The following ZC3H4 variants were observed in gnomAD, a reference collection of about 807,000 sequenced individuals.
The protein encoded by ZC3H4 is zinc finger CCCH-type containing 4, also known as zinc finger CCCH domain-containing protein 4.
Under a neutral mutation model 108.3 loss-of-function variants are expected in ZC3H4, and 13 were observed. The observed-to-expected ratio is 0.12, with a 90% CI of 0.08 to 0.19. The LOEUF (loss-of-function observed/expected upper bound fraction) is 0.19, where lower values mean the gene tolerates loss of function less well. ZC3H4 is among the 10% of genes least tolerant of loss of function. ZC3H4 has a pLI of 1.00. For synonymous variants in ZC3H4, 917 were observed against 749.6 expected, an observed-to-expected ratio of 1.22 and a Z score of -3.65; for missense variants, 1,734 against 1,838.8, an observed-to-expected ratio of 0.94 and a Z score of 1.04.
intron 2 of ZC3H4, among the ~76,000 whole-genome samples, chr19:47,102,214 C>T (rs1281297010): frequency 6.6e-6 from 1 of 152,124 alleles, no homozygotes; most frequent in Non-Finnish European, 1.5e-5. Context: ...AAGGAATTTG[C>T]CCATGGGGTC....
chr19:47,108,933 G>C (rs1055762130), intron 2 of ZC3H4, among the ~76,000 whole-genome samples: 1 of 152,050 alleles, frequency 6.6e-6, no homozygotes, highest in Non-Finnish European at 1.5e-5. Context: ...TTTATGACGA[G>C]AACATCCATA....
rs768974975 is a variant in ZC3H4 at position 47,079,537 on chromosome 19, G to A, written c.1440+1976C>T. Among the ~76,000 whole-genome samples the A allele has an allele frequency of 2.0e-5, 3 of 151,940 alleles. No individual in the cohort carries two copies. In the South Asian group the frequency reaches 6.2e-4, roughly 31 times the overall value. On this transcript the variant is annotated intron_variant, in intron 11 of 14. Transcript: ENST00000253048. ...GATCAGTGAGTCCTCCCAAGGAGCCGTGAGGCCTGACTGGCCACTGCTTCC... is the reference window on the plus strand; with the variant it reads ...GATCAGTGAGTCCTCCCAAGGAGCCATGAGGCCTGACTGGCCACTGCTTCC...
intron 2 of ZC3H4, among the ~76,000 whole-genome samples, chr19:47,106,704 A>G (rs1430453592): frequency 6.6e-6 from 1 of 152,260 alleles, no homozygotes; most frequent in Non-Finnish European, 1.5e-5. Context: ...GAAGCCTGGT[A>G]AAGGCAGTAA....
In ZC3H4 at chr19:47,072,090, T is replaced by G. The variant is rs765562520; in HGVS notation, c.1834A>C (p.Met612Leu). 4 of 1,559,998 alleles carry G rather than the reference T, an allele frequency of 2.6e-6. No individual in the cohort carries two copies. In the Admixed American group the frequency reaches 8.3e-5, roughly 32 times the overall value. Residue 612 changes from methionine (M) to leucine (L), a missense_variant, in exon 13 of 15, where the codon ATG (methionine) becomes CTG (leucine). Physicochemically the swap from Met to Leu is conservative, Grantham distance 15 (BLOSUM62 2). Transcript: ENST00000253048. The surrounding 1 kb of genome is among the most constrained non-coding windows in gnomAD (Gnocchi z 5.6). ...FPGPGGPPGP[M>L]GPGPNMGPPG... Reference sequence around the variant, plus strand: ...GGTCCCATGTTGGGCCCAGGGCCCATTGGCCCTGGGGGTCCACCGGGTCCA... The same window carrying G: ...GGTCCCATGTTGGGCCCAGGGCCCAGTGGCCCTGGGGGTCCACCGGGTCCA...
intron 11 of ZC3H4, among the ~76,000 whole-genome samples, chr19:47,080,612 C>G (rs2057503096): frequency 6.6e-6 from 1 of 152,036 alleles, no homozygotes. Context: ...CCTCCCACCT[C>G]AGCCTCTCGA....
Position 47,094,047 on chromosome 19 carries a change from A to G in ZC3H4, c.415T>C (p.Phe139Leu). 1.9e-6 allele frequency: 3 copies of G among 1,614,182 alleles called. No individual in the cohort carries two copies. The highest frequency in any genetic ancestry group is 2.5e-6 in the Non-Finnish European group (3 of 1,180,022). The change falls in exon 4 of 15, where the codon TTC (phenylalanine) becomes CTC (leucine). Residue 139 changes from phenylalanine to leucine, a missense_variant. By Grantham distance (22) the Phe-to-Leu change is conservative (BLOSUM62 0). Transcript: ENST00000253048. ...HASSSDDFSD[F>L]SDDSDFSPSE... The stretch of plus-strand genomic sequence containing the variant: ...GGGCTGAAATCCGAGTCATCTGAGA[A>G]GTCAGAGAAGTCATCGCTAGAAGAA...
At chr19:47,074,247 G>A (rs993601132) in intron 11 of ZC3H4, among the ~76,000 whole-genome samples, 1 of 152,166 alleles carries the variant, frequency 6.6e-6, no homozygotes, top group African/African-American at 2.4e-5. Context: ...ATTCACTACT[G>A]GGTCACCAGG....
At chr19:47,073,731 C>T (rs1181049130) in intron 11 of ZC3H4, among the ~76,000 whole-genome samples, 1 of 152,232 alleles carries the variant, frequency 6.6e-6, no homozygotes, top group Non-Finnish European at 1.5e-5. Context: ...ACCCCCAGCC[C>T]CCGGCAGCCA....
intron 2 of ZC3H4, among the ~76,000 whole-genome samples, chr19:47,101,838 A>G (rs964899971): frequency 4.6e-5 from 7 of 151,710 alleles, no homozygotes; most frequent in African/African-American, 1.5e-4. Flanking sequence ...ACTGCACTCC[A>G]GCCTGGGCAA....
intron 2 of ZC3H4, among the ~76,000 whole-genome samples, chr19:47,095,349 G>C (rs1222258936): frequency 6.6e-6 from 1 of 152,184 alleles, no homozygotes; most frequent in Non-Finnish European, 1.5e-5. Context: ...CAGGTCACAA[G>C]GTCTGACCCA....
chr19:47,111,001 G>C (rs1326611464), intron 2 of ZC3H4: 1 of 835,496 alleles, frequency 1.2e-6, no homozygotes, highest in Non-Finnish European at 1.4e-6. Flanking sequence ...TGGGGAGAAG[G>C]GGTCGTACGT....
Position 47,067,181 on chromosome 19 carries a change from G to A in ZC3H4, c.3087C>T (p.Ala1029=). The change falls in exon 15 of 15, where the codon GCC becomes GCT. Residue 1029 remains alanine (A), a synonymous_variant. Transcript: ENST00000253048. The surrounding 1 kb of genome is among the most constrained non-coding windows in gnomAD (Gnocchi z 6.4). ...GPPNARQRPG[A]STDSSTQGAN... ...CGCCCTGTGTGCTGGAATCCGTGGA[G>A]GCGCCCGGGCGCTGCCGGGCGTTGG... The A allele has an allele frequency of 4.3e-6, 7 of 1,610,878 alleles. No individual in the cohort carries two copies. Among genetic ancestry groups the A allele is most frequent in the Non-Finnish European group, 5.9e-6 (7 of 1,178,382 alleles).
At position 47,066,328 on chromosome 19, in the gene ZC3H4, T is replaced by C; in HGVS notation, c.*28A>G. The stretch of plus-strand genomic sequence containing the variant: ...GCCCTGAATGCCACCCTAGGAAGGG[T>C]GGCTGGAGCCGCAGCTCTGGCTGGA... On this transcript the variant is annotated 3_prime_UTR_variant, in exon 15 of 15. Transcript: ENST00000253048. 6.8e-7 allele frequency: 1 copy of C among 1,478,240 alleles called. No homozygotes were observed. The highest frequency in any genetic ancestry group is 1.4e-5 in the South Asian group (1 of 71,734). The allele number at this position is 1,478,240 out of a possible 1,614,324, so 91.6% of individuals were successfully genotyped here.
chr19:47,095,763 A>T (rs1407206343), intron 2 of ZC3H4, among the ~76,000 whole-genome samples: 1 of 152,204 alleles, frequency 6.6e-6, no homozygotes, highest in Non-Finnish European at 1.5e-5. Flanking sequence ...GAAAAAAACA[A>T]TCTTTTTGAA....
In ZC3H4 at chr19:47,090,073, T is replaced by C. The variant is rs1012793840; in HGVS notation, c.609A>G (p.Glu203=). The C allele has an allele frequency of 6.2e-6, 10 of 1,614,090 alleles. No homozygotes were observed. Among genetic ancestry groups the C allele is most frequent in the Middle Eastern group, 3.3e-4 (2 of 6,084 alleles). ...TGTCCTCCTCCTCGTCGCCCTCATA[T>C]TCCCCATACTGCTCATTCTCGTAGT... The part of the protein sequence containing the change: ...YEDYENEQYG[E]YEGDEEEDMG... Residue 203 remains glutamate, a synonymous_variant, in exon 5 of 15, where the codon GAA becomes GAG. Transcript: ENST00000253048.
At chr19:47,101,489 A>C (rs925459486) in intron 2 of ZC3H4, among the ~76,000 whole-genome samples, 3 of 152,080 alleles carry the variant, frequency 2.0e-5, no homozygotes, top group African/African-American at 7.2e-5. Context: ...TTGGCCTCCC[A>C]AAGTTCTGGG....
In ZC3H4 at chr19:47,071,791, G is replaced by A. The variant is rs967916914; in HGVS notation, c.2133C>T (p.Leu711=). 93 of 1,610,372 alleles carry A rather than the reference G, an allele frequency of 5.8e-5. No homozygotes were observed. Among genetic ancestry groups the A allele is most frequent in the Non-Finnish European group, 7.6e-5 (90 of 1,178,708 alleles). The stretch of plus-strand genomic sequence containing the variant: ...AGTCCCGCATACCTGCATCCCCCAG[G>A]AGTCCGGGCTCCATCTCCATGCCCT... The part of the protein sequence containing the change: ...QQEGMEMEPG[L]LGDAEDYGHY... The change falls in exon 13 of 15, where the codon CTC becomes CTT. Residue 711 remains leucine (L), a synonymous_variant. Coordinates refer to ENST00000253048, the MANE Select transcript of ZC3H4 (RefSeq NM_015168.2).
At chr19:47,089,907 C>A in intron 5 of ZC3H4, 60 bp downstream of exon 5, 1 of 1,581,462 alleles carries the variant, frequency 6.3e-7, no homozygotes, top group South Asian at 1.1e-5. Context: ...GACCAGGCCA[C>A]CGGGGTTGGC....
At chr19:47,087,265 G>C (rs2057645653) in intron 5 of ZC3H4, among the ~76,000 whole-genome samples, 1 of 149,052 alleles carries the variant, frequency 6.7e-6, no homozygotes, top group Non-Finnish European at 1.5e-5. Flanking sequence ...AACAGAGTGA[G>C]ACCCCGTCTC....
Sources: allele counts gnomAD v4.1 joint callset (sites outside exome capture counted in the v4.1 genomes callset), GRCh38; gene constraint gnomAD v4.1.1; non-coding constraint Gnocchi (gnomAD v3.1); transcripts MANE v1.5; gene names NCBI Gene and HGNC (gene_info 2026-07-23, HGNC 2026-07-21).